NALF1: variants seen among roughly 807,000 people sequenced by gnomAD.
NALF1 encodes the protein NALCN channel auxiliary factor 1, also known as family with sequence similarity 155 member A.
A neutral mutation model predicts 48.4 loss-of-function variants in NALF1; 3 were observed. The ratio of observed to expected loss-of-function variants is 0.06; its 90% CI spans 0.03 to 0.16. The LOEUF (loss-of-function observed/expected upper bound fraction) is 0.16. NALF1 is among the 10% of genes least tolerant of loss of function. The probability of loss-of-function intolerance (pLI) is 1.00; values close to 1 mark genes in which losing one functional copy is unlikely to be tolerated. For missense variants in NALF1, 526 were observed against 571.5 expected (o/e 0.92, Z 0.81); for synonymous variants, 262 against 245.7 (o/e 1.07, Z -0.62).
chr13:107,609,565 G>A (rs1171280361), intron 1 of NALF1, among the ~76,000 whole-genome samples: 1 of 152,176 alleles, frequency 6.6e-6, no homozygotes, highest in Non-Finnish European at 1.5e-5. Context: ...CTTAGCCAGT[G>A]TACCTCCTAC....
At chr13:107,231,699 A>G (rs1181084023) in intron 1 of NALF1, among the ~76,000 whole-genome samples, 1 of 152,216 alleles carries the variant, frequency 6.6e-6, no homozygotes, top group Non-Finnish European at 1.5e-5. Flanking sequence ...ATGGAGAACT[A>G]TTAATTGTTT....
intron 1 of NALF1, among the ~76,000 whole-genome samples, chr13:107,825,316 T>C (rs970436003): frequency 2.6e-5 from 4 of 152,200 alleles, no homozygotes; most frequent in Non-Finnish European, 5.9e-5. Flanking sequence ...CTCTATATAA[T>C]TTTCTTCTCT....
At chr13:107,304,211 G>C (rs1183839192) in intron 1 of NALF1, among the ~76,000 whole-genome samples, 1 of 152,146 alleles carries the variant, frequency 6.6e-6, no homozygotes, top group Admixed American at 6.6e-5. Flanking sequence ...CATGTGCTCT[G>C]ACTGTCACAA....
chr13:107,260,090 TG>T (rs1249428603), intron 1 of NALF1, among the ~76,000 whole-genome samples: 2 of 152,254 alleles, frequency 1.3e-5, no homozygotes, highest in African/African-American at 4.8e-5. Context: ...TCTGGGTCTT[TG>T]TACTGCATCA....
intron 1 of NALF1, among the ~76,000 whole-genome samples, chr13:107,467,905 G>A (rs1180803270): frequency 2.4e-4 from 37 of 151,964 alleles, no homozygotes; most frequent in Non-Finnish European, 1.0e-4. Flanking sequence ...AAAATTAGCC[G>A]GGCGTGGTGG....
At chr13:107,416,430 C>T (rs1280853812) in intron 1 of NALF1, among the ~76,000 whole-genome samples, 1 of 152,092 alleles carries the variant, frequency 6.6e-6, no homozygotes, top group Non-Finnish European at 1.5e-5. Context: ...AAACCAGCCC[C>T]TCCTCTTCCT....
intron 1 of NALF1, among the ~76,000 whole-genome samples, chr13:107,413,292 A>G (rs1884023959): frequency 1.3e-5 from 2 of 152,192 alleles, no homozygotes; most frequent in African/African-American, 4.8e-5. Context: ...TGATAACCAC[A>G]CAATTCTAAG....
rs547144807 is a variant in NALF1 at position 107,861,367 on chromosome 13, AG to A, written c.915+4314del. 1.4e-3 allele frequency among the ~76,000 whole-genome samples: 215 copies of A among 152,344 alleles called. 2 individuals are homozygous for A. The highest frequency in any genetic ancestry group is 4.6e-3 in the African/African-American group (192 of 41,598). ...TAGAATATTAAAATGTTCTATTTAC[AG>A]ATGTGTACTCCACACTTCTGAACAG... On this transcript the variant is annotated intron_variant, in intron 1 of 2. Coordinates refer to ENST00000375915, the MANE Select transcript of NALF1 (RefSeq NM_001080396.3).
At chr13:107,514,900 G>A (rs1876010501) in intron 1 of NALF1, among the ~76,000 whole-genome samples, 1 of 152,174 alleles carries the variant, frequency 6.6e-6, no homozygotes, top group Admixed American at 6.5e-5. Flanking sequence ...AGGCAGCAGA[G>A]AATAGAGCAG....
chr13:107,603,315 C>T (rs571565556), intron 1 of NALF1, among the ~76,000 whole-genome samples: 1 of 152,274 alleles, frequency 6.6e-6, no homozygotes, highest in African/African-American at 2.4e-5. Context: ...GGTAACAATT[C>T]ATTTCCTAAG....
intron 1 of NALF1, among the ~76,000 whole-genome samples, chr13:107,304,207 C>T (rs182065889): frequency 3.3e-4 from 50 of 152,256 alleles, no homozygotes; most frequent in African/African-American, 1.0e-3. Flanking sequence ...CCTTCATGTG[C>T]TCTGACTGTC....
intron 2 of NALF1, among the ~76,000 whole-genome samples, chr13:107,203,938 G>T (rs1025573397): frequency 1.3e-5 from 2 of 152,140 alleles, no homozygotes; most frequent in Non-Finnish European, 2.9e-5. Flanking sequence ...GGAGGCAGAG[G>T]GGGGCAGAGG....
chr13:107,806,450 AT>A (rs1878792683), intron 1 of NALF1, among the ~76,000 whole-genome samples: 1 of 152,134 alleles, frequency 6.6e-6, no homozygotes, highest in African/African-American at 2.4e-5. Context: ...CCAATTACAT[AT>A]TTTGTCCATT....
At chr13:107,517,578 G>A (rs985183785) in intron 1 of NALF1, among the ~76,000 whole-genome samples, 1 of 152,066 alleles carries the variant, frequency 6.6e-6, no homozygotes, top group Non-Finnish European at 1.5e-5. Flanking sequence ...GTTGCAATGA[G>A]CCAAGATCGC....
intron 1 of NALF1, among the ~76,000 whole-genome samples, chr13:107,550,198 G>A (rs1877253509): frequency 6.6e-6 from 1 of 151,792 alleles, no homozygotes. Context: ...TTGTCTTAAC[G>A]TTCTTCCTTC....
At position 107,662,848 on chromosome 13, in the gene NALF1, C is replaced by G. The variant is rs143486442; in HGVS notation, c.915+202834G>C. ...AATGAACATGTTTACAATTGAAAGACTATTAGCTCAACTAAAGACTATGCT... is the reference window on the plus strand; with the variant it reads ...AATGAACATGTTTACAATTGAAAGAGTATTAGCTCAACTAAAGACTATGCT... On this transcript the variant is annotated intron_variant, in intron 1 of 2. Coordinates refer to ENST00000375915, the MANE Select transcript of NALF1 (RefSeq NM_001080396.3). 3.1e-3 allele frequency among the ~76,000 whole-genome samples: 479 copies of G among 152,212 alleles called. 10 individuals are homozygous for G. The highest frequency in any genetic ancestry group is 0.023 in the East Asian group (120 of 5,186).
At chr13:107,731,851 C>T (rs1876319226) in intron 1 of NALF1, among the ~76,000 whole-genome samples, 1 of 152,130 alleles carries the variant, frequency 6.6e-6, no homozygotes, top group South Asian at 2.1e-4. Context: ...GGATAATCCA[C>T]ACATTAATTT....
chr13:107,199,603 T>C (rs533228974), intron 2 of NALF1, among the ~76,000 whole-genome samples: 124 of 152,294 alleles, frequency 8.1e-4, no homozygotes, highest in Middle Eastern at 3.4e-3. Context: ...CTATTCAAAA[T>C]GTAAGTTCCA....
intron 1 of NALF1, among the ~76,000 whole-genome samples, chr13:107,657,171 TA>T (rs11435074): frequency 1.9e-4 from 29 of 150,092 alleles, no homozygotes; most frequent in African/African-American, 4.9e-4. Flanking sequence ...CCTATTGAAA[TA>T]AAAAAAAAAT....
Sources: allele counts gnomAD v4.1 joint callset (sites outside exome capture counted in the v4.1 genomes callset), GRCh38; gene constraint gnomAD v4.1.1; transcripts MANE v1.5; gene names NCBI Gene and HGNC (gene_info 2026-07-23, HGNC 2026-07-21).